PTPRU: variants seen among roughly 807,000 people sequenced by gnomAD.
PTPRU encodes receptor-type tyrosine-protein phosphatase U.
PTPRU carries 69 observed loss-of-function variants against 166.3 expected under a neutral mutation model. The observed-to-expected ratio is 0.41, with a 90% confidence interval of 0.34 to 0.51. The LOEUF (loss-of-function observed/expected upper bound fraction) is 0.51, where lower values mean the gene tolerates loss of function less well. Ranked by LOEUF, PTPRU falls within the 20% of genes least tolerant of loss-of-function variation. The probability of loss-of-function intolerance (pLI) is 0.09; values close to 1 mark genes in which losing one functional copy is unlikely to be tolerated. For missense variants in PTPRU, 1,657 were observed against 2,013.7 expected, an observed-to-expected ratio of 0.82 and a Z score of 3.39; for synonymous variants, 793 against 814.0, an observed-to-expected ratio of 0.97 and a Z score of 0.44.
intron 7 of PTPRU, among the ~76,000 whole-genome samples, chr1:29,269,222 ATATATATATAT>A (rs1557430718): frequency 3.1e-4 from 12 of 39,256 alleles, no homozygotes; most frequent in African/African-American, 1.2e-3. Context: ...TTATATACAT[ATATATATATAT>A]ATATATATAT....
chr1:29,292,033 G>A lies in PTPRU; in HGVS notation c.2476+7G>A, dbSNP rs1686664682. ...CATGGCTACAGCACCCGGGGTGAGT[G>A]CCCGGCCCTCCTACCCCTTCTTCAT... On this transcript the variant is annotated splice_region_variant and intron_variant, in intron 15 of 29. Transcript: ENST00000373779. 6.2e-7 allele frequency: 1 copy of A among 1,613,706 alleles called. No individual in the cohort carries two copies. Among genetic ancestry groups the A allele is most frequent in the South Asian group, 1.1e-5 (1 of 91,044 alleles).
In PTPRU at chr1:29,311,623, C is replaced by T; in HGVS notation, c.2956-20C>T. 6.2e-7 allele frequency: 1 copy of T among 1,613,948 alleles called. No homozygotes were observed. Among genetic ancestry groups the T allele is most frequent in the South Asian group, 1.1e-5 (1 of 91,078 alleles). On this transcript the variant is annotated intron_variant, in intron 20 of 29. Coordinates refer to ENST00000373779, the MANE Select transcript of PTPRU (RefSeq NM_133178.4). The surrounding 1 kb of genome is among the most constrained non-coding windows in gnomAD (Gnocchi z 4.1). The stretch of plus-strand genomic sequence containing the variant: ...GGGGCAGCAAAGAGCCCACTGAGTC[C>T]CGTCCTGTGGGGCCTCTAGGTGAAA...
rs1240328311 is a variant in PTPRU at position 29,317,589 on chromosome 1, A to C, written c.3514-159A>C. On this transcript the variant is annotated intron_variant, in intron 24 of 29. Coordinates refer to ENST00000373779, the MANE Select transcript of PTPRU (RefSeq NM_133178.4). The surrounding 1 kb of genome is among the most constrained non-coding windows in gnomAD (Gnocchi z 5.6). ...CCAGGCCCTATAATGGCCTAGAGAC[A>C]GGGAGTCTGGCTCCGTGCCCTGTAC... 6.6e-6 allele frequency among the ~76,000 whole-genome samples: 1 copy of C among 152,188 alleles called. No individual in the cohort carries two copies. Among genetic ancestry groups the C allele is most frequent in the African/African-American group, 2.4e-5 (1 of 41,442 alleles).
At chr1:29,285,570 T>C (rs1344035719) in intron 14 of PTPRU, among the ~76,000 whole-genome samples, 6 of 152,206 alleles carry the variant, frequency 3.9e-5, no homozygotes, top group Admixed American at 3.3e-4. Flanking sequence ...TTCAGAAATG[T>C]AGGATTTAGG....
intron 7 of PTPRU, among the ~76,000 whole-genome samples, chr1:29,266,661 G>T (rs868305011): frequency 6.6e-6 from 1 of 152,138 alleles, no homozygotes; most frequent in Non-Finnish European, 1.5e-5. Flanking sequence ...ACCATATAGG[G>T]TTAGTTTGAA....
chr1:29,293,480 T>A (rs1472504699), intron 15 of PTPRU, among the ~76,000 whole-genome samples: 1 of 148,744 alleles, frequency 6.7e-6, no homozygotes, highest in Non-Finnish European at 1.5e-5. Context: ...AGTTTTTTGT[T>A]TTTTTTTTTT....
chr1:29,283,575 CT>C, intron 12 of PTPRU: 1 of 319,928 alleles, frequency 3.1e-6, no homozygotes, highest in Non-Finnish European at 5.8e-6. Context: ...GAAGCCCCAC[CT>C]TATCCTCCAG....
At chr1:29,272,981 C>T (rs1048511813) in intron 7 of PTPRU, among the ~76,000 whole-genome samples, 1 of 150,962 alleles carries the variant, frequency 6.6e-6, no homozygotes, top group East Asian at 2.0e-4. Flanking sequence ...GATTGTATAG[C>T]GGTGCTTTCT....
At chr1:29,267,250 CA>C (rs146909374) in intron 7 of PTPRU, among the ~76,000 whole-genome samples, 1 of 152,066 alleles carries the variant, frequency 6.6e-6, no homozygotes, top group Non-Finnish European at 1.5e-5. Flanking sequence ...ACCAGCAATA[CA>C]AAAAACTCCA....
At chr1:29,249,668 C>T (rs542660770) in intron 1 of PTPRU, among the ~76,000 whole-genome samples, 1 of 152,174 alleles carries the variant, frequency 6.6e-6, no homozygotes, top group Non-Finnish European at 1.5e-5. Flanking sequence ...GTGCCGTTTA[C>T]ATCCTGGAAG....
chr1:29,294,975 A>AACATGAAGCTGTGCC (rs60119041), intron 15 of PTPRU, among the ~76,000 whole-genome samples: 12,348 of 152,194 alleles, frequency 0.081, 619 homozygotes, highest in East Asian at 0.17. Flanking sequence ...TGATATCTGA[A>AACATGAAGCTGTGCC]ACATGAAGCT....
chr1:29,288,912 A>C (rs891341106), intron 14 of PTPRU, among the ~76,000 whole-genome samples: 4 of 152,140 alleles, frequency 2.6e-5, no homozygotes, highest in Non-Finnish European at 5.9e-5. Context: ...GCGGTAAGGT[A>C]GGGCTCTTGA....
chr1:29,296,114 C>T (rs1686870292), intron 15 of PTPRU, among the ~76,000 whole-genome samples: 1 of 152,082 alleles, frequency 6.6e-6, no homozygotes, highest in Non-Finnish European at 1.5e-5. Context: ...TTTTCTTTCC[C>T]ACTTCTTATT....
chr1:29,292,806 A>C (rs1348107718), intron 15 of PTPRU, among the ~76,000 whole-genome samples: 1 of 148,156 alleles, frequency 6.7e-6, no homozygotes, highest in Non-Finnish European at 1.5e-5. Context: ...ATTCCCTTGA[A>C]ATTGTTGTGT....
intron 15 of PTPRU, among the ~76,000 whole-genome samples, chr1:29,294,304 G>A (rs1686784450): frequency 6.6e-6 from 1 of 152,124 alleles, no homozygotes; most frequent in Non-Finnish European, 1.5e-5. Flanking sequence ...GTCTTAATTT[G>A]CATTTCACTG....
At chr1:29,252,034 ACC>A (rs1254872837) in intron 1 of PTPRU, among the ~76,000 whole-genome samples, 2 of 152,132 alleles carry the variant, frequency 1.3e-5, no homozygotes, top group Non-Finnish European at 2.9e-5. Context: ...TGGGGTTAAT[ACC>A]CACCTCCTAC....
intron 18 of PTPRU, among the ~76,000 whole-genome samples, chr1:29,307,372 C>T (rs1277285051): frequency 6.6e-6 from 1 of 152,260 alleles, no homozygotes; most frequent in Non-Finnish European, 1.5e-5. Flanking sequence ...CTCCCATCCT[C>T]CACTGCCTTG....
rs1687640569 is a variant in PTPRU, at chr1:29,311,203, A to G, written c.2858-253A>G. ...TCCTGGACACTCATGCCATTGCCCA[A>G]CCATCTGGTCCTCCTCCAGGGTCCC... On this transcript the variant is annotated intron_variant, in intron 19 of 29. Coordinates refer to ENST00000373779, the MANE Select transcript of PTPRU (RefSeq NM_133178.4). The surrounding 1 kb of genome is among the most constrained non-coding windows in gnomAD (Gnocchi z 4.1). 6.8e-6 allele frequency: 4 copies of G among 587,478 alleles called. No homozygotes were observed. The highest frequency in any genetic ancestry group is 1.2e-5 in the Non-Finnish European group (4 of 329,414). 36.4% of individuals were successfully genotyped at this position (587,478 alleles called of 1,614,324 possible).
chr1:29,301,435 ATAGT>A (rs1687128766), intron 15 of PTPRU, among the ~76,000 whole-genome samples: 1 of 152,234 alleles, frequency 6.6e-6, no homozygotes, highest in African/African-American at 2.4e-5. Context: ...GCAGTACATA[ATAGT>A]TAATGATGAC....
Sources: allele counts gnomAD v4.1 joint callset (sites outside exome capture counted in the v4.1 genomes callset), GRCh38; gene constraint gnomAD v4.1.1; non-coding constraint Gnocchi (gnomAD v3.1); transcripts MANE v1.5; gene names NCBI Gene and HGNC (gene_info 2026-07-23, HGNC 2026-07-21).